HOOK3: variants seen among roughly 807,000 people sequenced by gnomAD.
The protein encoded by HOOK3 is hook microtubule tethering protein 3, also known as protein Hook homolog 3.
HOOK3 carries 24 observed loss-of-function variants against 116.3 expected under a neutral mutation model. That is an observed-to-expected ratio of 0.21 (90% CI 0.15 to 0.29). The LOEUF (loss-of-function observed/expected upper bound fraction) is 0.29, where lower values mean the gene tolerates loss of function less well. Among genes scored for constraint, HOOK3 ranks in the 10% least tolerant of loss-of-function variants. The pLI is 1.00. For missense variants in HOOK3, 632 were observed against 830.2 expected (o/e 0.76, Z 2.93); for synonymous variants, 275 against 283.0 (o/e 0.97, Z 0.28).
At chr8:42,929,045 C>CA (rs1043342385) in intron 3 of HOOK3, among the ~76,000 whole-genome samples, 3 of 151,720 alleles carry the variant, frequency 2.0e-5, no homozygotes, top group Non-Finnish European at 2.9e-5. Context: ...GACTCTGTCT[C>CA]AAAAAAATAA....
chr8:42,914,716 A>T (rs1002374543), intron 2 of HOOK3, among the ~76,000 whole-genome samples: 3 of 152,322 alleles, frequency 2.0e-5, no homozygotes, highest in Admixed American at 2.0e-4. Context: ...TCTACTCAAG[A>T]TCATCACTTT....
intron 5 of HOOK3, 112 bp from the exon 6 acceptor site, chr8:42,950,276 G>A: frequency 2.9e-6 from 2 of 696,292 alleles, no homozygotes; most frequent in Middle Eastern, 4.9e-4. Context: ...GGATTCCTAG[G>A]AGGAATCAAA....
At chr8:43,016,372 G>A (rs994924372) in intron 21 of HOOK3, among the ~76,000 whole-genome samples, 5 of 151,260 alleles carry the variant, frequency 3.3e-5, no homozygotes, top group Non-Finnish European at 3.0e-5. Flanking sequence ...CACCCTCCTC[G>A]GCCTCCCAAA....
chr8:42,902,988 G>T (rs1176563807), intron 1 of HOOK3, among the ~76,000 whole-genome samples: 1 of 152,198 alleles, frequency 6.6e-6, no homozygotes, highest in Non-Finnish European at 1.5e-5. Context: ...GGCAACTGTA[G>T]AATGGAAGCA....
chr8:42,905,495 A>C (rs1449235802), intron 1 of HOOK3, among the ~76,000 whole-genome samples: 1 of 152,032 alleles, frequency 6.6e-6, no homozygotes, highest in Non-Finnish European at 1.5e-5. Context: ...TTTCTTTCCC[A>C]GAAGCATCTC....
At chr8:42,927,884 C>T (rs893061605) in intron 3 of HOOK3, among the ~76,000 whole-genome samples, 6 of 152,232 alleles carry the variant, frequency 3.9e-5, no homozygotes, top group South Asian at 2.1e-4. Context: ...TGGTGGCTTA[C>T]GCCTGTAATC....
chr8:42,951,770 G>A (rs1309328398), intron 6 of HOOK3, among the ~76,000 whole-genome samples: 1 of 151,792 alleles, frequency 6.6e-6, no homozygotes, highest in Non-Finnish European at 1.5e-5. Context: ...GTGAAACTTC[G>A]TCTGTACTAA....
intron 2 of HOOK3, among the ~76,000 whole-genome samples, chr8:42,916,209 T>C (rs1366298417): frequency 1.3e-5 from 2 of 152,268 alleles, no homozygotes; most frequent in African/African-American, 4.8e-5. Flanking sequence ...CCTCTTATCC[T>C]GCTCTATTGT....
intron 8 of HOOK3, among the ~76,000 whole-genome samples, chr8:42,962,597 G>T (rs182144734): frequency 1.3e-5 from 2 of 151,252 alleles, no homozygotes; most frequent in Non-Finnish European, 2.9e-5. Context: ...GTGGAGACAG[G>T]GTCTCACTGT....
chr8:42,970,759 A>G (rs1263434242), intron 11 of HOOK3, among the ~76,000 whole-genome samples: 1 of 151,320 alleles, frequency 6.6e-6, no homozygotes, highest in East Asian at 1.9e-4. Context: ...GGGATATAGT[A>G]AAGAAATAAA....
At chr8:42,901,190 C>A (rs1040659764) in intron 1 of HOOK3, among the ~76,000 whole-genome samples, 3 of 152,126 alleles carry the variant, frequency 2.0e-5, no homozygotes, top group African/African-American at 7.2e-5. Context: ...ATGCTTTACT[C>A]TTCTCATGCT....
At chr8:43,015,810 C>G (rs1809701270) in intron 21 of HOOK3, among the ~76,000 whole-genome samples, 1 of 151,856 alleles carries the variant, frequency 6.6e-6, no homozygotes. Flanking sequence ...CCTCCGCCTC[C>G]CGGGTTCAAG....
intron 6 of HOOK3, among the ~76,000 whole-genome samples, chr8:42,955,601 A>G (rs1391313478): frequency 6.6e-6 from 1 of 152,208 alleles, no homozygotes; most frequent in African/African-American, 2.4e-5. Flanking sequence ...CAGAAGAAAC[A>G]GGAGTAAACT....
intron 15 of HOOK3, among the ~76,000 whole-genome samples, chr8:42,988,544 G>A (rs550907577): frequency 2.6e-5 from 4 of 152,096 alleles, no homozygotes; most frequent in South Asian, 2.1e-4. Flanking sequence ...GTGACTTACC[G>A]CTGGTACAAC....
At chr8:42,982,560 G>A (rs878949631) in intron 13 of HOOK3, 67 bp from the exon 14 acceptor site, 2 of 1,059,506 alleles carry the variant, frequency 1.9e-6, no homozygotes, top group South Asian at 2.5e-5. Flanking sequence ...TCAAAGTAGG[G>A]TTTCATATCG....
rs117925856 is a variant in HOOK3, at chr8:42,947,061, G to A, written c.401-3327G>A. On this transcript the variant is annotated intron_variant, in intron 5 of 21. Transcript: ENST00000307602. The stretch of plus-strand genomic sequence containing the variant: ...TGGGATTACAGGCATGAGCCACTGC[G>A]CCTGGCCACCATTTTCTTATAGGTA... Among the ~76,000 whole-genome samples the A allele has an allele frequency of 8.5e-3, 1,292 of 152,126 alleles. 9 individuals are homozygous for A. Among genetic ancestry groups the A allele is most frequent in the Admixed American group, 0.014 (214 of 15,268 alleles).
chr8:42,929,327 A>G (rs1390962453), intron 3 of HOOK3, among the ~76,000 whole-genome samples: 2 of 152,212 alleles, frequency 1.3e-5, no homozygotes, highest in African/African-American at 2.4e-5. Flanking sequence ...TATGCCTTTA[A>G]TTAAGTACTG....
rs990009895 is a variant in HOOK3, at chr8:43,027,467, C to G, written c.*8969C>G. ...TTTTAAAGTACAAAACGTTTCTCTT[C>G]TACCTTACCCCCTGTTCTACTGACG... On this transcript the variant is annotated 3_prime_UTR_variant, in exon 22 of 22. Coordinates refer to ENST00000307602, the MANE Select transcript of HOOK3 (RefSeq NM_032410.4). 8.4e-6 allele frequency: 4 copies of G among 473,596 alleles called. No homozygotes were observed. The highest frequency in any genetic ancestry group is 5.9e-5 in the African/African-American group (3 of 50,510). 29.3% of individuals were successfully genotyped at this position (473,596 alleles called of 1,614,324 possible).
chr8:42,922,431 G>A (rs1162334730), intron 2 of HOOK3, among the ~76,000 whole-genome samples: 1 of 151,982 alleles, frequency 6.6e-6, no homozygotes, highest in East Asian at 1.9e-4. Context: ...ATGTGTCTTA[G>A]CACTAGCTAC....
Sources: gnomAD v4.1 joint callset for allele counts (sites outside exome capture counted in the v4.1 genomes callset) on GRCh38, gnomAD v4.1.1 for gene constraint, MANE v1.5 for transcripts, NCBI Gene and HGNC (gene_info 2026-07-23, HGNC 2026-07-21) for gene names.